Variants in IST1 observed in about 807,000 individuals in gnomAD.
The protein encoded by IST1 is IST1 factor associated with ESCRT-III.
In IST1, 23 loss-of-function variants were observed where a neutral mutation model predicts 37.0. The ratio of observed to expected loss-of-function variants is 0.62; its 90% confidence interval spans 0.45 to 0.88. The LOEUF is 0.88. IST1 is among the 40% of genes least tolerant of loss of function. The pLI, the probability that IST1 is intolerant of heterozygous loss-of-function variation, is 0.00. For missense variants in IST1, 488 were observed against 445.4 expected, an observed-to-expected ratio of 1.10 and a Z score of -0.86; for synonymous variants, 180 against 161.7, an observed-to-expected ratio of 1.11 and a Z score of -0.86.
chr16:71,899,358 T>C (rs1309118598), intron 1 of IST1, among the ~76,000 whole-genome samples: 1 of 147,652 alleles, frequency 6.8e-6, no homozygotes, highest in Non-Finnish European at 1.5e-5. Flanking sequence ...GCGGGAGGAT[T>C]GCTGAGCCCA....
chr16:71,920,627 C>T (rs2037557789), intron 4 of IST1, 112 bp from the exon 5 acceptor site: 5 of 701,372 alleles, frequency 7.1e-6, no homozygotes, highest in Non-Finnish European at 1.3e-5. Flanking sequence ...TTTGCAGACT[C>T]CAGTGTTTTG....
chr16:71,910,382 G>A (rs375354779), intron 1 of IST1, among the ~76,000 whole-genome samples: 11 of 152,130 alleles, frequency 7.2e-5, no homozygotes, highest in East Asian at 3.9e-4. Context: ...CGAGGCAGGC[G>A]GATTACAAAG....
At position 71,927,687 on chromosome 16, in the gene IST1, ACCAGAGTTG is replaced by A; in HGVS notation, c.979_987del (p.Glu327_Pro329del). ...CAGATAACTATGACAACTTTGTCCT[ACCAGAGTTG>A]CCATCTGTGCCAGACACACTACCAA... On this transcript the variant is annotated inframe_deletion, in exon 10 of 10. Coordinates refer to ENST00000378799, the MANE Select transcript of IST1 (RefSeq NM_001270975.2). The A allele has an allele frequency of 6.2e-7, 1 of 1,613,744 alleles. No individual in the cohort carries two copies. The highest frequency in any genetic ancestry group is 8.5e-7 in the Non-Finnish European group (1 of 1,179,674).
At chr16:71,926,080 A>G (rs1461960952) in intron 9 of IST1, among the ~76,000 whole-genome samples, 1 of 152,092 alleles carries the variant, frequency 6.6e-6, no homozygotes, top group Non-Finnish European at 1.5e-5. Context: ...TCAGGTGTTC[A>G]AGACCAGGCT....
intron 1 of IST1, chr16:71,903,472 T>G (rs1396638516): frequency 1.3e-5 from 2 of 152,218 alleles, no homozygotes; most frequent in Non-Finnish European, 2.9e-5. Flanking sequence ...TTCCCAAATG[T>G]TAAGAGATTT....
intron 1 of IST1, among the ~76,000 whole-genome samples, chr16:71,897,632 G>A (rs7188912): frequency 0.076 from 11,498 of 152,246 alleles, 1,410 homozygotes; most frequent in African/African-American, 0.26. Flanking sequence ...CAAAAGTTTG[G>A]AGAATTGGTA....
At chr16:71,905,914 C>T (rs1234294605) in intron 1 of IST1, among the ~76,000 whole-genome samples, 3 of 152,018 alleles carry the variant, frequency 2.0e-5, no homozygotes, top group African/African-American at 7.2e-5. Flanking sequence ...AACAGATATT[C>T]GCCGTTTCTG....
At chr16:71,910,610 A>AAAAAAAAAG (rs1051656161) in intron 1 of IST1, among the ~76,000 whole-genome samples, 1 of 151,354 alleles carries the variant, frequency 6.6e-6, no homozygotes, top group East Asian at 1.9e-4. Context: ...TGTCTCAAAA[A>AAAAAAAAAG]AAAAAAAAGA....
At chr16:71,923,588 T>C (rs1282716035) in intron 8 of IST1, 2 of 414,684 alleles carry the variant, frequency 4.8e-6, no homozygotes, top group Admixed American at 8.5e-5. Flanking sequence ...ATGCTTTGTC[T>C]GCAATTAAGC....
At chr16:71,899,084 C>A (rs570161843) in intron 1 of IST1, among the ~76,000 whole-genome samples, 5 of 152,114 alleles carry the variant, frequency 3.3e-5, no homozygotes, top group African/African-American at 1.2e-4. Context: ...CTGTGCATTT[C>A]AGTATTTATA....
intron 1 of IST1, among the ~76,000 whole-genome samples, chr16:71,913,209 T>C (rs572704068): frequency 7.9e-5 from 12 of 152,264 alleles, no homozygotes; most frequent in African/African-American, 2.4e-4. Context: ...GGTTGTACCG[T>C]TTTGCAATCC....
Position 71,904,211 on chromosome 16 carries a change from C to T in IST1, c.-16+8622C>T, listed in dbSNP as rs556080048. On this transcript the variant is annotated intron_variant, in intron 1 of 9. Transcript: ENST00000378799. ...TGATCTCCGCTCGCTGCAATCTCTG[C>T]CTGCCAGGTTCAAGCAATTTTCCTG... Among the ~76,000 whole-genome samples, 3 of 152,246 alleles carry T rather than the reference C, an allele frequency of 2.0e-5. No homozygotes were observed. In the East Asian group the frequency reaches 5.8e-4, roughly 29 times the overall value.
rs143638926 is a variant in IST1, at chr16:71,902,271, T to G, written c.-16+6682T>G. 1.0e-3 allele frequency among the ~76,000 whole-genome samples: 153 copies of G among 152,196 alleles called. 3 individuals are homozygous for G. In the East Asian group the frequency reaches 0.029, roughly 28 times the overall value. On this transcript the variant is annotated intron_variant, in intron 1 of 9. Coordinates refer to ENST00000378799, the MANE Select transcript of IST1 (RefSeq NM_001270975.2). Reference sequence around the variant, plus strand: ...TTGGGAATGGTTCTTAATTTTAGATTTAATTGTTTTTTTTTTGAGACAAAG... The same window carrying G: ...TTGGGAATGGTTCTTAATTTTAGATGTAATTGTTTTTTTTTTGAGACAAAG...
intron 4 of IST1, among the ~76,000 whole-genome samples, chr16:71,919,671 C>T (rs902582067): frequency 3.3e-5 from 5 of 152,220 alleles, no homozygotes; most frequent in African/African-American, 9.6e-5. Context: ...GGATTACAGG[C>T]ATGAGCCACG....
At chr16:71,920,991 C>T in intron 5 of IST1, 169 bp downstream of exon 5, 1 of 661,934 alleles carries the variant, frequency 1.5e-6, no homozygotes, top group South Asian at 1.6e-5. Flanking sequence ...ATCCTTACAC[C>T]TGCCCAATTC....
chr16:71,908,744 T>C (rs1471770180), intron 1 of IST1, among the ~76,000 whole-genome samples: 1 of 152,194 alleles, frequency 6.6e-6, no homozygotes, highest in Non-Finnish European at 1.5e-5. Flanking sequence ...TAGAGAGCTC[T>C]TGATGCTCTT....
At chr16:71,900,505 T>C (rs1172919637) in intron 1 of IST1, among the ~76,000 whole-genome samples, 1 of 151,920 alleles carries the variant, frequency 6.6e-6, no homozygotes, top group Non-Finnish European at 1.5e-5. Context: ...TTATTCAGGA[T>C]GGGGAGGCTA....
In IST1 at chr16:71,923,309, A is replaced by G. The variant is rs189085705; in HGVS notation, c.781A>G (p.Met261Val). ...KGPSDFNGLPMGTYQAFPNIH... is the reference protein window; with the variant it reads ...KGPSDFNGLPVGTYQAFPNIH... ...ACAGTCAGATTTCAATGGACTGCCA[A>G]TGGGGACTTATCAGGCCTTTCCCAA... The change falls in exon 8 of 10, where the codon ATG becomes GTG. Residue 261 changes from methionine (M) to valine (V), a missense_variant. By Grantham distance (21) the Met-to-Val change is conservative. Transcript: ENST00000378799. 120 of 1,611,092 alleles carry G rather than the reference A, an allele frequency of 7.4e-5. No individual in the cohort carries two copies. The highest frequency in any genetic ancestry group is 1.3e-4 in the East Asian group (6 of 44,754).
intron 1 of IST1, among the ~76,000 whole-genome samples, chr16:71,903,873 G>GT (rs1321501243): frequency 6.6e-6 from 1 of 152,174 alleles, no homozygotes; most frequent in Middle Eastern, 3.2e-3. Context: ...AGGTTGATCA[G>GT]TTATGGTGGG....
Sources: allele counts gnomAD v4.1 joint callset (sites outside exome capture counted in the v4.1 genomes callset), GRCh38; gene constraint gnomAD v4.1.1; transcripts MANE v1.5; gene names NCBI Gene and HGNC (gene_info 2026-07-23, HGNC 2026-07-21).